The following TESK2 variants were observed in gnomAD, a reference collection of about 807,000 sequenced individuals.
TESK2 encodes dual specificity testis-specific protein kinase 2.
In TESK2, 39 loss-of-function variants were observed where a neutral mutation model predicts 57.1. The ratio of observed to expected loss-of-function variants is 0.68; its 90% CI spans 0.53 to 0.89. The LOEUF is 0.89. Ranked by LOEUF, TESK2 falls within the 40% of genes least tolerant of loss-of-function variation. The pLI is 0.00. For missense variants in TESK2, 646 were observed against 732.1 expected (o/e 0.88, Z 1.36); for synonymous variants, 249 against 267.9 (o/e 0.93, Z 0.69).
At chr1:45,368,970 G>C (rs1296904116) in intron 4 of TESK2, among the ~76,000 whole-genome samples, 3 of 151,254 alleles carry the variant, frequency 2.0e-5, no homozygotes, top group African/African-American at 7.3e-5. Context: ...GGTCAGGCTG[G>C]TCTTGAACTC....
chr1:45,398,202 C>A (rs1197956680), intron 3 of TESK2, among the ~76,000 whole-genome samples: 1 of 152,146 alleles, frequency 6.6e-6, no homozygotes, highest in African/African-American at 2.4e-5. Flanking sequence ...AGCCACTGTG[C>A]CTGGCCTGTC....
chr1:45,432,185 C>T (rs1442174998), intron 2 of TESK2, among the ~76,000 whole-genome samples: 1 of 151,818 alleles, frequency 6.6e-6, no homozygotes, highest in Non-Finnish European at 1.5e-5. Flanking sequence ...GGCAACAAAG[C>T]AATACCCTGT....
rs112899396 is a variant in TESK2 at position 45,484,655 on chromosome 1, C to G, written c.-87+6197G>C. ...GCTGAGGCTGGAGAATCGCTTCAAC[C>G]CGGAAGGCGGAAGTTGCAGAAAGCC... On this transcript the variant is annotated intron_variant, in intron 1 of 10. Transcript: ENST00000372086. Among the ~76,000 whole-genome samples, 564 of 152,106 alleles carry G rather than the reference C, an allele frequency of 3.7e-3. 5 individuals are homozygous for G. The highest frequency in any genetic ancestry group is 0.017 in the East Asian group (89 of 5,132).
At chr1:45,400,971 G>A (rs953573345) in intron 3 of TESK2, among the ~76,000 whole-genome samples, 6 of 150,710 alleles carry the variant, frequency 4.0e-5, no homozygotes, top group Admixed American at 2.7e-4. Flanking sequence ...GCAGTGAGCC[G>A]GTATCATGCC....
chr1:45,375,660 G>A lies in TESK2; in HGVS notation c.393+10252C>T, dbSNP rs149620502. 1.9e-3 allele frequency among the ~76,000 whole-genome samples: 294 copies of A among 152,158 alleles called. 1 individual carries two copies. The highest frequency in any genetic ancestry group is 6.6e-3 in the African/African-American group (274 of 41,496). On this transcript the variant is annotated intron_variant, in intron 4 of 10. Transcript: ENST00000372086. The stretch of plus-strand genomic sequence containing the variant: ...TGCCTGTAGTCCCAGTGCTTTGAGA[G>A]GCCAAGGTGGGAGGATCACTTGAGC...
intron 4 of TESK2, among the ~76,000 whole-genome samples, chr1:45,364,251 A>T (rs942362068): frequency 2.0e-5 from 3 of 152,210 alleles, no homozygotes; most frequent in Non-Finnish European, 2.9e-5. Context: ...CAATGTAATC[A>T]AGTTAAGATG....
At chr1:45,475,453 T>C (rs781065) in intron 1 of TESK2, among the ~76,000 whole-genome samples, 31,022 of 152,042 alleles carry the variant, frequency 0.2, 3,469 homozygotes, top group Non-Finnish European at 0.26. Flanking sequence ...GTGATCCACC[T>C]GCCTCAGCCT....
At chr1:45,387,005 T>G (rs1355594862) in intron 3 of TESK2, among the ~76,000 whole-genome samples, 1 of 152,134 alleles carries the variant, frequency 6.6e-6, no homozygotes, top group Non-Finnish European at 1.5e-5. Context: ...CCCCAGGTCC[T>G]CAGGGTTCAT....
intron 1 of TESK2, among the ~76,000 whole-genome samples, chr1:45,484,501 T>A (rs1326805054): frequency 6.9e-6 from 1 of 145,580 alleles, no homozygotes; most frequent in Non-Finnish European, 1.5e-5. Flanking sequence ...TTTGGGAGGC[T>A]GAGGCGGGCA....
intron 3 of TESK2, among the ~76,000 whole-genome samples, chr1:45,396,388 G>A (rs906777576): frequency 6.6e-5 from 10 of 151,928 alleles, no homozygotes; most frequent in Non-Finnish European, 1.2e-4. Context: ...GAGCTACTGC[G>A]CCCAGCCTTC....
intron 1 of TESK2, among the ~76,000 whole-genome samples, chr1:45,466,596 G>A (rs1322016279): frequency 1.3e-5 from 2 of 151,520 alleles, no homozygotes; most frequent in Non-Finnish European, 2.9e-5. Context: ...GCTGCAGTGA[G>A]CCATGACCAC....
chr1:45,435,113 A>G (rs985564608), intron 2 of TESK2, among the ~76,000 whole-genome samples: 1 of 151,302 alleles, frequency 6.6e-6, no homozygotes, highest in Admixed American at 6.6e-5. Flanking sequence ...ACAGGTGTGC[A>G]CCACCATGGC....
intron 4 of TESK2, among the ~76,000 whole-genome samples, chr1:45,379,984 C>T (rs965085052): frequency 3.9e-5 from 6 of 151,962 alleles, no homozygotes; most frequent in African/African-American, 1.5e-4. Flanking sequence ...CTGCAACCTC[C>T]ACCTCCCAGG....
chr1:45,347,851 G>A, intron 6 of TESK2, 67 bp downstream of exon 6: 1 of 1,475,958 alleles, frequency 6.8e-7, no homozygotes, highest in Non-Finnish European at 9.5e-7. Flanking sequence ...CTGGGGAGGA[G>A]GCTAGAATTT....
At chr1:45,421,094 G>A (rs1241543091) in intron 3 of TESK2, among the ~76,000 whole-genome samples, 3 of 151,896 alleles carry the variant, frequency 2.0e-5, no homozygotes, top group Admixed American at 6.6e-5. Flanking sequence ...CTGACTTTAC[G>A]AAAAATGTGA....
At chr1:45,386,045 AT>A in intron 3 of TESK2, 85 bp from the exon 4 acceptor site, 1 of 1,031,692 alleles carries the variant, frequency 9.7e-7, no homozygotes, top group Non-Finnish European at 1.5e-6. Flanking sequence ...TTACCCATGC[AT>A]TAGAAACAAC....
Position 45,345,102 on chromosome 1 carries a change from C to T in TESK2, c.1454G>A (p.Arg485His), listed in dbSNP as rs186592461. The part of the protein sequence containing the change: ...EESLSDGPPP[R>H]LSSLKYRVKE... Reference sequence around the variant, plus strand: ...AACTCTGTACTTGAGACTACTTAGGCGTGGTGGGGGCCCATCAGATAGCGA... The same window carrying T: ...AACTCTGTACTTGAGACTACTTAGGTGTGGTGGGGGCCCATCAGATAGCGA... Residue 485 changes from arginine (R) to histidine (H), a missense_variant, in exon 11 of 11, where the codon CGC becomes CAC. Coordinates refer to ENST00000372086, the MANE Select transcript of TESK2 (RefSeq NM_007170.3). 4.0e-4 allele frequency: 644 copies of T among 1,614,124 alleles called. 5 individuals are homozygous for T. In the African/African-American group the frequency reaches 7.7e-3, roughly 19 times the overall value.
intron 1 of TESK2, among the ~76,000 whole-genome samples, chr1:45,460,743 AG>A (rs1273906009): frequency 2.6e-5 from 4 of 152,040 alleles, no homozygotes; most frequent in African/African-American, 9.7e-5. Flanking sequence ...TAGGCAACAC[AG>A]CAAGACCCCT....
In TESK2 at chr1:45,344,653, G is replaced by A. The variant is rs1647111960; in HGVS notation, c.*187C>T. 5.0e-6 allele frequency: 3 copies of A among 600,550 alleles called. No individual in the cohort carries two copies. The highest frequency in any genetic ancestry group is 8.8e-6 in the Non-Finnish European group (3 of 341,178). 37.2% of individuals were successfully genotyped at this position (600,550 alleles called of 1,614,324 possible). On this transcript the variant is annotated 3_prime_UTR_variant, in exon 11 of 11. Coordinates refer to ENST00000372086, the MANE Select transcript of TESK2 (RefSeq NM_007170.3). ...GGTATCAGCTGTTGGCCCTAACTAGGAAGGCCTCTCACTGCTGCCTCCCGT... is the reference window on the plus strand; with the variant it reads ...GGTATCAGCTGTTGGCCCTAACTAGAAAGGCCTCTCACTGCTGCCTCCCGT...
Sources: allele counts gnomAD v4.1 joint callset (sites outside exome capture counted in the v4.1 genomes callset), GRCh38; gene constraint gnomAD v4.1.1; transcripts MANE v1.5; gene names NCBI Gene and HGNC (gene_info 2026-07-23, HGNC 2026-07-21).